Variants in ENTREP2 observed in about 807,000 individuals in gnomAD.
ENTREP2 encodes protein ENTREP2.
At chr15:29,673,275 T>G in the ENTREP2 span, among the ~76,000 whole-genome samples, 1 of 152,096 alleles carries the variant, frequency 6.6e-6, no homozygotes, top group Non-Finnish European at 1.5e-5. Context: ...ATCAGCAAGG[T>G]CTTTATGACC....
At chr15:29,448,639 A>G in the ENTREP2 span, among the ~76,000 whole-genome samples, 1 of 152,236 alleles carries the variant, frequency 6.6e-6, no homozygotes, top group Non-Finnish European at 1.5e-5. Context: ...ACAAATCGAG[A>G]CGAACCAATA....
chr15:29,268,884 G>T, the ENTREP2 span: 3 of 1,614,028 alleles, frequency 1.9e-6, no homozygotes, highest in South Asian at 3.3e-5. Flanking sequence ...AGTCCTTGGG[G>T]TCTTGATTAT....
the ENTREP2 span, among the ~76,000 whole-genome samples, chr15:29,322,026 A>T: frequency 9.0e-6 from 1 of 110,532 alleles, no homozygotes; most frequent in Non-Finnish European, 2.0e-5. Flanking sequence ...AAGAAAGGAA[A>T]ATGAAATAGG....
At chr15:29,466,140 C>T in the ENTREP2 span, among the ~76,000 whole-genome samples, 5 of 152,118 alleles carry the variant, frequency 3.3e-5, no homozygotes, top group African/African-American at 7.2e-5. Flanking sequence ...CATGATGGAG[C>T]GAGGCATGAG....
At chr15:29,639,899 G>C in the ENTREP2 span, among the ~76,000 whole-genome samples, 2 of 151,608 alleles carry the variant, frequency 1.3e-5, no homozygotes, top group African/African-American at 4.9e-5. Flanking sequence ...CTCCTGAGTA[G>C]CTGGGATTAC....
At chr15:29,589,649 T>C in the ENTREP2 span, among the ~76,000 whole-genome samples, 1 of 152,186 alleles carries the variant, frequency 6.6e-6, no homozygotes. Flanking sequence ...GATGCTAACA[T>C]AGACTGCCTG....
At chr15:29,163,698 T>C in the ENTREP2 span, among the ~76,000 whole-genome samples, 1 of 152,038 alleles carries the variant, frequency 6.6e-6, no homozygotes, top group Non-Finnish European at 1.5e-5. Context: ...AATAACCAGT[T>C]TTCCCGAGGA....
the ENTREP2 span, among the ~76,000 whole-genome samples, chr15:29,254,104 C>T: frequency 1.6e-5 from 2 of 124,222 alleles, no homozygotes; most frequent in East Asian, 2.7e-4. Flanking sequence ...GGAGAATAAC[C>T]TTTAAGATTA....
chr15:29,246,392 CAAAA>C, the ENTREP2 span, among the ~76,000 whole-genome samples: 19 of 90,678 alleles, frequency 2.1e-4, no homozygotes, highest in African/African-American at 7.4e-4. Context: ...ACCCTGTTTC[CAAAA>C]AAAAAAAAAA....
At chr15:29,478,023 T>TATATATATATATATA in the ENTREP2 span, among the ~76,000 whole-genome samples, 2 of 114,130 alleles carry the variant, frequency 1.8e-5, no homozygotes, top group African/African-American at 8.2e-5. Context: ...ATATATATTT[T>TATATATATATATATA]TTTTTTTTTT....
chr15:29,628,970 G>T, the ENTREP2 span, among the ~76,000 whole-genome samples: 1 of 152,112 alleles, frequency 6.6e-6, no homozygotes, highest in Non-Finnish European at 1.5e-5. Flanking sequence ...GGCTGGTCTT[G>T]AACTCCTGAC....
the ENTREP2 span, among the ~76,000 whole-genome samples, chr15:29,393,412 C>T: frequency 6.6e-6 from 1 of 152,232 alleles, no homozygotes; most frequent in African/African-American, 2.4e-5. Context: ...GGCTCAGCCG[C>T]AGTGCTATGG....
At chr15:29,577,850 A>C in the ENTREP2 span, among the ~76,000 whole-genome samples, 1 of 152,330 alleles carries the variant, frequency 6.6e-6, no homozygotes, top group South Asian at 2.1e-4. Context: ...AATATTGTTC[A>C]GATCCACCTT....
chr15:29,479,924 G>A, the ENTREP2 span, among the ~76,000 whole-genome samples: 1 of 152,052 alleles, frequency 6.6e-6, no homozygotes, highest in East Asian at 1.9e-4. Context: ...ACAGAGCCCA[G>A]GAAGAAAGGA....
chr15:29,232,664 ATTGTTTGT>A, the ENTREP2 span, among the ~76,000 whole-genome samples: 9 of 150,182 alleles, frequency 6.0e-5, no homozygotes, highest in Non-Finnish European at 1.0e-4. Flanking sequence ...GCCTAATTAA[ATTGTTTGT>A]TTGTTTGTTT....
the ENTREP2 span, among the ~76,000 whole-genome samples, chr15:29,475,181 A>G: frequency 0.055 from 8,314 of 152,180 alleles, 376 homozygotes; most frequent in Admixed American, 0.15. Flanking sequence ...CTGGGCCCCC[A>G]GTCCTCACTG....
the ENTREP2 span, among the ~76,000 whole-genome samples, chr15:29,487,293 C>A: frequency 6.6e-6 from 1 of 152,094 alleles, no homozygotes; most frequent in East Asian, 1.9e-4. Context: ...CCTGAGAAGA[C>A]CCCAGTCTTT....
At chr15:29,658,212 T>G in the ENTREP2 span, among the ~76,000 whole-genome samples, 5 of 152,108 alleles carry the variant, frequency 3.3e-5, no homozygotes, top group African/African-American at 4.8e-5. Flanking sequence ...TCTCATGAGA[T>G]CTGATGGTTT....
the ENTREP2 span, chr15:29,136,241 C>CA: frequency 1.9e-6 from 2 of 1,060,712 alleles, no homozygotes; most frequent in Non-Finnish European, 2.6e-6. Context: ...ACAGGGCGCT[C>CA]ATGAGTGTTC....
Sources: gnomAD v4.1 joint callset for allele counts (sites outside exome capture counted in the v4.1 genomes callset) on GRCh38, gnomAD v4.1.1 for gene constraint, MANE v1.5 for transcripts, NCBI Gene and HGNC (gene_info 2026-07-23, HGNC 2026-07-21) for gene names.